Variants in SYNE1 observed in about 807,000 individuals in gnomAD.
SYNE1 encodes the protein spectrin repeat containing nuclear envelope protein 1.
A neutral mutation model predicts 1,111.0 loss-of-function variants in SYNE1; 616 were observed. The ratio of observed to expected loss-of-function variants is 0.55; its 90% confidence interval spans 0.52 to 0.59. The LOEUF is 0.59. Among genes scored for constraint, SYNE1 ranks in the 20% least tolerant of loss-of-function variants. SYNE1 has a pLI of 0.00. For missense variants in SYNE1, 10,006 were observed against 10,417.0 expected (o/e 0.96, Z 1.72); for synonymous variants, 3,855 against 3,825.8 (o/e 1.01, Z -0.28).
Position 152,224,235 on chromosome 6 carries a change from T to TA in SYNE1, c.21522+258dup, listed in dbSNP as rs575986485. On this transcript the variant is annotated intron_variant, in intron 117 of 145. Coordinates refer to ENST00000367255, the MANE Select transcript of SYNE1 (RefSeq NM_182961.4). Reference sequence around the variant, plus strand: ...TTCAGTTGGGCATAAAATCATTGTATAAAAGACGATGTGAATATTTTTTTA... The same window carrying TA: ...TTCAGTTGGGCATAAAATCATTGTATAAAAAGACGATGTGAATATTTTTTTA... Among the ~76,000 whole-genome samples, 26 of 152,300 alleles carry TA rather than the reference T, an allele frequency of 1.7e-4. 3 individuals carry two copies. The South Asian group carries it at 5.4e-3, about 32-fold the overall frequency.
At chr6:152,453,238 G>A (rs2098665959) in intron 25 of SYNE1, among the ~76,000 whole-genome samples, 1 of 151,892 alleles carries the variant, frequency 6.6e-6, no homozygotes. Flanking sequence ...CATGTTTTAT[G>A]ATTTCAGTAG....
At chr6:152,255,245 T>G (rs1395743403) in intron 103 of SYNE1, among the ~76,000 whole-genome samples, 156 bp from the exon 104 acceptor site, 1 of 152,210 alleles carries the variant, frequency 6.6e-6, no homozygotes, top group African/African-American at 2.4e-5. Flanking sequence ...CTTCTATACA[T>G]TTCAGGAAGT....
At chr6:152,487,709 A>G (rs1349552063) in intron 12 of SYNE1, among the ~76,000 whole-genome samples, 1 of 152,120 alleles carries the variant, frequency 6.6e-6, no homozygotes, top group Non-Finnish European at 1.5e-5. Flanking sequence ...AATTCAGTTT[A>G]TTTTATACTA....
chr6:152,551,002 T>C (rs543227715), intron 3 of SYNE1, among the ~76,000 whole-genome samples: 1 of 152,332 alleles, frequency 6.6e-6, no homozygotes, highest in South Asian at 2.1e-4. Flanking sequence ...CACAGCTTAT[T>C]GTGGCACTTC....
At chr6:152,181,210 GA>G (rs1328815754) in intron 128 of SYNE1, among the ~76,000 whole-genome samples, 4 of 80,114 alleles carry the variant, frequency 5.0e-5, no homozygotes, top group African/African-American at 9.6e-5. Context: ...TCAGGAGTTC[GA>G]AACCTGCGTG....
chr6:152,369,735 C>A, intron 59 of SYNE1, 121 bp from the exon 60 acceptor site: 5 of 1,243,866 alleles, frequency 4.0e-6, no homozygotes, highest in South Asian at 2.5e-5. Flanking sequence ...GTAATCCCAG[C>A]ACTTTGGGTG....
intron 51 of SYNE1, 146 bp downstream of exon 51, chr6:152,395,370 G>A (rs2097716037): frequency 1.3e-6 from 1 of 799,894 alleles, no homozygotes; most frequent in East Asian, 2.5e-5. Context: ...GTGCAGCATA[G>A]TCCTCTGTAT....
At chr6:152,184,807 C>T (rs758620302) in intron 128 of SYNE1, among the ~76,000 whole-genome samples, 58 of 152,138 alleles carry the variant, frequency 3.8e-4, no homozygotes, top group Middle Eastern at 6.8e-3. Context: ...CCAGGCCAAA[C>T]GCTTTTCAAA....
At chr6:152,371,905 A>AGGACAGGACAGGACAGGACAGGAC (rs1563461784) in intron 59 of SYNE1, among the ~76,000 whole-genome samples, 1 of 52,586 alleles carries the variant, frequency 1.9e-5, no homozygotes, top group African/African-American at 5.7e-5. Context: ...AAGGAAAGGA[A>AGGACAGGACAGGACAGGACAGGAC]AGGAAAGGAA....
Position 152,391,780 on chromosome 6 carries a change from A to G in SYNE1, c.7713-212T>C, listed in dbSNP as rs571060256. ...TTGTCAGTACCTATCAGGGGATAACATTCAGTCTGTGCTGTGCCTGCATCC... is the reference window on the plus strand; with the variant it reads ...TTGTCAGTACCTATCAGGGGATAACGTTCAGTCTGTGCTGTGCCTGCATCC... On this transcript the variant is annotated intron_variant, in intron 51 of 145. Coordinates refer to ENST00000367255, the MANE Select transcript of SYNE1 (RefSeq NM_182961.4). Among the ~76,000 whole-genome samples the G allele has an allele frequency of 7.9e-5, 12 of 152,210 alleles. 2 individuals carry two copies. Among genetic ancestry groups the G allele is most frequent in the African/African-American group, 2.9e-4 (12 of 41,538 alleles).
At chr6:152,616,474 G>A (rs978979889) in intron 3 of SYNE1, among the ~76,000 whole-genome samples, 1 of 152,136 alleles carries the variant, frequency 6.6e-6, no homozygotes, top group African/African-American at 2.4e-5. Flanking sequence ...TACTTGGGAG[G>A]CTGAGGTGGG....
intron 130 of SYNE1, among the ~76,000 whole-genome samples, chr6:152,172,673 T>C (rs1248051080): frequency 2.0e-5 from 3 of 152,242 alleles, no homozygotes; most frequent in South Asian, 2.1e-4. Context: ...ACTGGATTCA[T>C]TGACAAAACG....
intron 21 of SYNE1, 122 bp from the exon 22 acceptor site, chr6:152,459,052 C>T: frequency 1.1e-6 from 1 of 875,218 alleles, no homozygotes; most frequent in Non-Finnish European, 1.9e-6. Flanking sequence ...TTACAAATAT[C>T]CAAAGACATT....
At chr6:152,633,310 T>C (rs1246165607) in intron 2 of SYNE1, among the ~76,000 whole-genome samples, 2 of 152,178 alleles carry the variant, frequency 1.3e-5, no homozygotes, top group African/African-American at 4.8e-5. Flanking sequence ...TGCAGCTAAA[T>C]ACATTCAGAA....
intron 16 of SYNE1, among the ~76,000 whole-genome samples, chr6:152,467,109 CAT>C (rs796780169): frequency 5.9e-5 from 9 of 152,136 alleles, no homozygotes; most frequent in African/African-American, 2.2e-4. Flanking sequence ...GTATCTATAA[CAT>C]ATTTCATATC....
chr6:152,310,838 C>T lies in SYNE1; in HGVS notation c.16746G>A (p.Glu5582=), dbSNP rs895389134. 1 of 1,614,046 alleles carries T rather than the reference C, an allele frequency of 6.2e-7. No individual in the cohort carries two copies. The highest frequency in any genetic ancestry group is 1.1e-5 in the South Asian group (1 of 91,074). ...LLEESKEIDS[E]LEAMTEKLQY... The stretch of plus-strand genomic sequence containing the variant: ...GTAATTTCTCAGTCATTGCTTCCAG[C>T]TCACTGTCAATTTCTTTGGATTCTT... The change falls in exon 88 of 146, where the codon GAG becomes GAA. Residue 5582 remains glutamate (E), a synonymous_variant. Coordinates refer to ENST00000367255, the MANE Select transcript of SYNE1 (RefSeq NM_182961.4).
chr6:152,330,480 CT>C lies in SYNE1; in HGVS notation c.14204del (p.Gln4735ArgfsTer28), dbSNP rs1764145184. The C allele has an allele frequency of 1.2e-6, 2 of 1,614,092 alleles. No individual in the cohort carries two copies. Among genetic ancestry groups the C allele is most frequent in the Non-Finnish European group, 1.7e-6 (2 of 1,180,008 alleles). On this transcript the variant is annotated frameshift_variant, in exon 78 of 146. Transcript: ENST00000367255. LOFTEE classifies it high-confidence loss of function. ...CTGTGCTGCGAAAACCTTCTTTTTT[CT>C]GGTTCAGTTCATCCACCGCCTCCCC... ...GLGEAVDELN[Q>X]KKEGFRSTGQ... is the part of the protein sequence containing the mutation.
Position 152,121,956 on chromosome 6 carries a change from A to G in SYNE1, c.*480T>C, listed in dbSNP as rs1402364639. 6.1e-6 allele frequency: 1 copy of G among 164,970 alleles called. No individual in the cohort carries two copies. The highest frequency in any genetic ancestry group is 1.4e-5 in the Non-Finnish European group (1 of 74,060). 10.2% of individuals were successfully genotyped at this position (164,970 alleles called of 1,614,324 possible). On this transcript the variant is annotated 3_prime_UTR_variant, in exon 146 of 146. Transcript: ENST00000367255. ...AAGGTAAAAAGGAAGCTGCCATATAAGCTCTTAAAAATTGTATGTTACAAG... is the reference window on the plus strand; with the variant it reads ...AAGGTAAAAAGGAAGCTGCCATATAGGCTCTTAAAAATTGTATGTTACAAG...
In SYNE1 at chr6:152,278,241, A is replaced by C; in HGVS notation, c.18421T>G (p.Ser6141Ala). 1 of 1,614,172 alleles carries C rather than the reference A, an allele frequency of 6.2e-7. No individual in the cohort carries two copies. The highest frequency in any genetic ancestry group is 8.5e-7 in the Non-Finnish European group (1 of 1,180,040). ...VEIEQKVVAL[S>A]ELSVHNENLL... Reference sequence around the variant, plus strand: ...TTCTCATTGTGGACTGACAGTTCTGATAAAGCCACCACCTTCTGCTCTATT... The same window carrying C: ...TTCTCATTGTGGACTGACAGTTCTGCTAAAGCCACCACCTTCTGCTCTATT... Residue 6141 changes from serine (S) to alanine (A), a missense_variant, in exon 98 of 146, where the codon TCA (serine) becomes GCA (alanine). Physicochemically the swap from Ser to Ala is moderately conservative, Grantham distance 99 (BLOSUM62 1). This residue lies in a region of SYNE1 where 99 missense variants were observed against 147.8 expected (regional missense o/e 0.67). Coordinates refer to ENST00000367255, the MANE Select transcript of SYNE1 (RefSeq NM_182961.4).
Sources: gnomAD v4.1 joint callset for allele counts (sites outside exome capture counted in the v4.1 genomes callset) on GRCh38, gnomAD v4.1.1 for gene constraint, gnomAD v4.1.1 regional missense constraint, MANE v1.5 for transcripts, NCBI Gene and HGNC (gene_info 2026-07-23, HGNC 2026-07-21) for gene names.